Variants in PCSK7 observed in about 807,000 individuals in gnomAD.
PCSK7 encodes proprotein convertase subtilisin/kexin type 7.
PCSK7 carries 38 observed loss-of-function variants against 73.3 expected under a neutral mutation model. The ratio of observed to expected loss-of-function variants is 0.52; its 90% CI spans 0.40 to 0.68. PCSK7 has a LOEUF of 0.68. PCSK7 is among the 30% of genes least tolerant of loss of function. The pLI is 0.00. For missense variants in PCSK7, 692 were observed against 991.5 expected, an observed-to-expected ratio of 0.70 and a Z score of 4.06; for synonymous variants, 296 against 383.8, an observed-to-expected ratio of 0.77 and a Z score of 2.68.
chr11:117,223,115 G>GT, intron 9 of PCSK7, 93 bp downstream of exon 9: 2 of 801,622 alleles, frequency 2.5e-6, no homozygotes, highest in East Asian at 2.4e-5. Flanking sequence ...TGTTGGGGCG[G>GT]GGAAGCAGGG....
Position 117,218,248 on chromosome 11 carries a change from T to A in PCSK7, c.1534+218A>T. 4 of 176,308 alleles carry A rather than the reference T, an allele frequency of 2.3e-5. No individual in the cohort carries two copies. Among genetic ancestry groups the A allele is most frequent in the Non-Finnish European group, 3.6e-5 (3 of 83,172 alleles). 10.9% of individuals were successfully genotyped at this position (176,308 alleles called of 1,614,324 possible). ...CAGTTGCTCTGCTGCTCCTTTTCACTACTAGGAACCCAGGAGAAAGGTCTT... is the reference window on the plus strand; with the variant it reads ...CAGTTGCTCTGCTGCTCCTTTTCACAACTAGGAACCCAGGAGAAAGGTCTT... On this transcript the variant is annotated intron_variant, in intron 12 of 16. Transcript: ENST00000320934. The surrounding 1 kb of genome is among the most constrained non-coding windows in gnomAD (Gnocchi z 4.0).
intron 5 of PCSK7, chr11:117,226,739 T>C (rs1255033829): frequency 1.2e-5 from 2 of 168,476 alleles, no homozygotes; most frequent in African/African-American, 2.4e-5. Context: ...TGGACAGACG[T>C]TGAGTGTGAA....
rs780829506 is a variant in PCSK7, at chr11:117,218,592, G to A, written c.1432-24C>T. ...ATCTATGAAAGGAAAGGAGGGGATG[G>A]CAAATCAACAAACAAGAATGATCAC... On this transcript the variant is annotated intron_variant, in intron 11 of 16. Transcript: ENST00000320934. This position sits in a 1 kb window ranked among gnomAD's most constrained non-coding sequence, Gnocchi z 4.0. 2.3e-6 allele frequency: 3 copies of A among 1,316,172 alleles called. No homozygotes were observed. Among genetic ancestry groups the A allele is most frequent in the East Asian group, 2.4e-5 (1 of 42,376 alleles). 81.5% of individuals were successfully genotyped at this position (1,316,172 alleles called of 1,614,324 possible). A position where few individuals can be genotyped will look rare whatever the true frequency, so the allele number is the denominator to read the frequency against.
At position 117,224,098 on chromosome 11, in the gene PCSK7, G is replaced by C. The variant is rs1398628761; in HGVS notation, c.1034C>G (p.Ser345Cys). 1.3e-6 allele frequency: 2 copies of C among 1,579,938 alleles called. No homozygotes were observed. Among genetic ancestry groups the C allele is most frequent in the Non-Finnish European group, 1.7e-6 (2 of 1,161,880 alleles). ...DNCNYDGYAN[S>C]IYTVTIGAVD... ...ACTACCTATGGTGACGGTGTAGATG[G>C]AGTTGGCGTAGCCATCGTAGTTGCA... Residue 345 changes from serine (S) to cysteine (C), a missense_variant, in exon 8 of 17, where the codon TCC becomes TGC. Coordinates refer to ENST00000320934, the MANE Select transcript of PCSK7 (RefSeq NM_004716.4).
chr11:117,215,380 G>GTGTGTGTGTGTGTGTGTGTGTGTA (rs1164738557), intron 12 of PCSK7: 24 of 55,880 alleles, frequency 4.3e-4, no homozygotes, highest in African/African-American at 2.8e-3. Flanking sequence ...GTGTGTGTGT[G>GTGTGTGTGTGTGTGTGTGTGTGTA]TATATATATA....
chr11:117,218,945 A>C lies in PCSK7; in HGVS notation c.1431+112T>G. 1.6e-6 allele frequency: 1 copy of C among 639,816 alleles called. No homozygotes were observed. The highest frequency in any genetic ancestry group is 2.7e-6 in the Non-Finnish European group (1 of 370,734). The allele number at this position is 639,816 out of a possible 1,614,324, so 39.6% of individuals were successfully genotyped here. On this transcript the variant is annotated intron_variant, in intron 11 of 16. Transcript: ENST00000320934. The surrounding 1 kb of genome is among the most constrained non-coding windows in gnomAD (Gnocchi z 4.0). ...GAAGGTTGAAGTTGTTAAATCAATG[A>C]ACTGAATGAACATTTACTAGGCACC...
At position 117,228,196 on chromosome 11, in the gene PCSK7, G is replaced by A. The variant is rs1276504140; in HGVS notation, c.603+20C>T. 6 of 1,611,084 alleles carry A rather than the reference G, an allele frequency of 3.7e-6. No homozygotes were observed. The East Asian group carries it at 8.9e-5, about 24-fold the overall frequency. On this transcript the variant is annotated intron_variant, in intron 4 of 16. Transcript: ENST00000320934. The stretch of plus-strand genomic sequence containing the variant: ...AGGTAAGACGTGGGGAGTGAGGGGT[G>A]TCGTTCCAGGGCCACTCACATAGTT...
At position 117,205,382 on chromosome 11, in the gene PCSK7, G is replaced by T; in HGVS notation, c.*615C>A. ...CATCTGCTCTGCAGTCCTGCCGCAG[G>T]ATTCCCTAGTGAAGCAGCTCAGGCC... is the stretch of plus-strand genomic sequence containing the variant. On this transcript the variant is annotated 3_prime_UTR_variant, in exon 17 of 17. Coordinates refer to ENST00000320934, the MANE Select transcript of PCSK7 (RefSeq NM_004716.4). 4.3e-6 allele frequency: 1 copy of T among 233,582 alleles called. No homozygotes were observed. The highest frequency in any genetic ancestry group is 8.5e-6 in the Non-Finnish European group (1 of 118,010). The allele number at this position is 233,582 out of a possible 1,614,324, so 14.5% of individuals were successfully genotyped here.
At chr11:117,209,342 C>T (rs1739860529) in intron 12 of PCSK7, 1 of 332,652 alleles carries the variant, frequency 3.0e-6, no homozygotes, top group Non-Finnish European at 5.3e-6. Context: ...CTGGGTACCT[C>T]CTCCATTTCA....
At chr11:117,226,303 T>C (rs1284480587) in intron 5 of PCSK7, 3 of 398,268 alleles carry the variant, frequency 7.5e-6, no homozygotes, top group Non-Finnish European at 9.4e-6. Context: ...ACCCGGCTAA[T>C]TTTTGTATTT....
rs982685519 is a variant in PCSK7, at chr11:117,228,419, A to G, written c.469-69T>C. The G allele has an allele frequency of 4.7e-5, 69 of 1,454,076 alleles. 1 individual carries two copies. The Admixed American group carries it at 1.2e-3, about 25-fold the overall frequency. The allele number at this position is 1,454,076 out of a possible 1,614,324, so 90.1% of individuals were successfully genotyped here. On this transcript the variant is annotated intron_variant, in intron 3 of 16. Coordinates refer to ENST00000320934, the MANE Select transcript of PCSK7 (RefSeq NM_004716.4). ...CCCAGAGGGAGATGAAGTTATAGCT[A>G]GCAGCCCCTTTTCACCCTTGGCCTC...
At chr11:117,212,908 G>A (rs1043569040) in intron 12 of PCSK7, 1 of 152,058 alleles carries the variant, frequency 6.6e-6, no homozygotes, top group Non-Finnish European at 1.5e-5. Flanking sequence ...TAGAGACAAG[G>A]TTTTGCCATG....
chr11:117,229,586 C>T lies in PCSK7; in HGVS notation c.259G>A (p.Gly87Arg), dbSNP rs758209273. The change falls in exon 3 of 17, where the codon GGA (glycine) becomes AGA (arginine). Residue 87 changes from glycine to arginine, a missense_variant. By Grantham distance (125) the Gly-to-Arg change is moderately radical. This residue lies in a region of PCSK7 where 574 missense variants were observed against 689.8 expected (regional missense o/e 0.83). Transcript: ENST00000320934. ...TGCCCCTGAAGCTCTCCGATGCGTC[C>T]AGCATTCACCAGCCCTGCTGCCTGG... is the stretch of plus-strand genomic sequence containing the variant. ...LAQAAGLVNA[G>R]RIGELQGHYL... 14 of 1,614,010 alleles carry T rather than the reference C, an allele frequency of 8.7e-6. No homozygotes were observed. In the South Asian group the frequency reaches 1.3e-4, roughly 15 times the overall value.
intron 12 of PCSK7, chr11:117,212,507 G>A (rs1217726427): frequency 6.7e-6 from 1 of 150,086 alleles, no homozygotes; most frequent in African/African-American, 2.5e-5. Flanking sequence ...CTGGGTTCCA[G>A]CGATTCTCTT....
intron 12 of PCSK7, chr11:117,217,578 G>A (rs1269826714): frequency 6.6e-6 from 1 of 152,178 alleles, no homozygotes; most frequent in Admixed American, 6.5e-5. Flanking sequence ...TTCACCTGAG[G>A]GAAGCCACCC....
chr11:117,208,971 G>A lies in PCSK7; in HGVS notation c.1617C>T (p.Arg539=), dbSNP rs148329047. ...AVTVSITHPR[R]GSLELKLFCP... is the part of the protein sequence containing the mutation. Reference sequence around the variant, plus strand: ...AGAACAGCTTCAGCTCCAAGCTGCCGCGCCGTGGGTGAGTGATGGAGACTG... The same window carrying A: ...AGAACAGCTTCAGCTCCAAGCTGCCACGCCGTGGGTGAGTGATGGAGACTG... The change falls in exon 13 of 17, where the codon CGC becomes CGT. Residue 539 remains arginine (R), a synonymous_variant. Coordinates refer to ENST00000320934, the MANE Select transcript of PCSK7 (RefSeq NM_004716.4). 1.2e-3 allele frequency: 1,903 copies of A among 1,611,672 alleles called. 13 individuals are homozygous for A. In the African/African-American group the frequency reaches 0.021, roughly 18 times the overall value.
chr11:117,223,928 G>C (rs1591802424), intron 8 of PCSK7, 150 bp downstream of exon 8: 2 of 767,330 alleles, frequency 2.6e-6, no homozygotes, highest in East Asian at 5.1e-5. Flanking sequence ...GAAGTCCCAA[G>C]GTCCTCTGCA....
chr11:117,229,300 G>T, intron 3 of PCSK7, 77 bp downstream of exon 3: 1 of 1,082,586 alleles, frequency 9.2e-7, no homozygotes, highest in Non-Finnish European at 1.4e-6. Flanking sequence ...ACTGAAGAGT[G>T]ATATAGTCAA....
intron 6 of PCSK7, 132 bp from the exon 7 acceptor site, chr11:117,224,887 CTTCCGTGATT>C: frequency 1.4e-6 from 1 of 720,676 alleles, no homozygotes; most frequent in East Asian, 2.5e-5. Context: ...CACTTAAAGG[CTTCCGTGATT>C]AAAAGGCACA....
Sources: allele counts gnomAD v4.1 joint callset, GRCh38; gene constraint gnomAD v4.1.1; regional missense constraint gnomAD v4.1.1; non-coding constraint Gnocchi (gnomAD v3.1); transcripts MANE v1.5; gene names NCBI Gene and HGNC (gene_info 2026-07-23, HGNC 2026-07-21).